The following SLC13A4 variants were observed in gnomAD, a reference collection of about 807,000 sequenced individuals.
The protein encoded by SLC13A4 is Na(+)/sulfate cotransporter SUT-1.
Under a neutral mutation model 72.7 loss-of-function variants are expected in SLC13A4, and 28 were observed. The ratio of observed to expected loss-of-function variants is 0.39; its 90% CI spans 0.29 to 0.53. The LOEUF is 0.53. Among genes scored for constraint, SLC13A4 ranks in the 20% least tolerant of loss-of-function variants. The pLI, the probability that SLC13A4 is intolerant of heterozygous loss-of-function variation, is 0.78. For synonymous variants in SLC13A4, 312 were observed against 325.5 expected (o/e 0.96, Z 0.45); for missense variants, 653 against 788.0 (o/e 0.83, Z 2.05).
At position 135,705,567 on chromosome 7, in the gene SLC13A4, G is replaced by A. The variant is rs1403655114; in HGVS notation, c.593+29C>T. On this transcript the variant is annotated intron_variant, in intron 5 of 15. Coordinates refer to ENST00000682651, the MANE Select transcript of SLC13A4 (RefSeq NM_001318192.2). ...ACCTCCCCTATGGACTCTGAGAGGC[G>A]CTGTCTGGGAGAGGGCAGTCATACT... is the stretch of plus-strand genomic sequence containing the variant. The A allele has an allele frequency of 4.3e-6, 7 of 1,609,390 alleles. No individual in the cohort carries two copies. The Admixed American group carries it at 6.7e-5, about 15-fold the overall frequency.
intron 2 of SLC13A4, among the ~76,000 whole-genome samples, chr7:135,719,551 G>C (rs975687712): frequency 1.3e-5 from 2 of 152,010 alleles, no homozygotes; most frequent in African/African-American, 4.8e-5. Flanking sequence ...TCACATTTAG[G>C]TTGCTTTTTT....
At chr7:135,696,478 A>G (rs2129494254) in intron 8 of SLC13A4, among the ~76,000 whole-genome samples, 1 of 152,136 alleles carries the variant, frequency 6.6e-6, no homozygotes, top group African/African-American at 2.4e-5. Context: ...CCTCCCAAGT[A>G]GCTGGGATTA....
chr7:135,681,431 G>GT lies in SLC13A4; in HGVS notation c.*131dup, dbSNP rs1175154191. ...TCACTTGAGGTGGCGGAATCTTCTG[G>GT]TGGAGGGATGCCCTCCGGCGTGGGT... On this transcript the variant is annotated 3_prime_UTR_variant, in exon 16 of 16. Coordinates refer to ENST00000682651, the MANE Select transcript of SLC13A4 (RefSeq NM_001318192.2). 8.8e-7 allele frequency: 1 copy of GT among 1,133,822 alleles called. No individual in the cohort carries two copies. Among genetic ancestry groups the GT allele is most frequent in the East Asian group, 2.4e-5 (1 of 41,306 alleles). 70.2% of individuals were successfully genotyped at this position (1,133,822 alleles called of 1,614,324 possible). A position where few individuals can be genotyped will look rare whatever the true frequency, so the allele number is the denominator to read the frequency against.
chr7:135,721,046 T>G (rs531624844), intron 2 of SLC13A4, among the ~76,000 whole-genome samples: 1 of 152,262 alleles, frequency 6.6e-6, no homozygotes, highest in South Asian at 2.1e-4. Context: ...ATCGTCTAAA[T>G]AGACATCCAG....
chr7:135,683,486 C>T (rs73160711), intron 15 of SLC13A4: 308,349 of 975,974 alleles, frequency 0.32, 48,541 homozygotes, highest in Middle Eastern at 0.45. Context: ...CTCTCCCCCC[C>T]CGCTCAGCCC....
chr7:135,682,255 G>C (rs1214958932), intron 15 of SLC13A4, among the ~76,000 whole-genome samples: 1 of 152,194 alleles, frequency 6.6e-6, no homozygotes, highest in Non-Finnish European at 1.5e-5. Context: ...CTGGAATGGA[G>C]CCTTTGCTTC....
intron 7 of SLC13A4, 84 bp from the exon 8 acceptor site, chr7:135,699,632 A>C (rs555599285): frequency 7.1e-6 from 9 of 1,275,630 alleles, no homozygotes; most frequent in African/African-American, 4.5e-5. Flanking sequence ...ACCATGGTAC[A>C]GCGGAAAGGG....
intron 8 of SLC13A4, among the ~76,000 whole-genome samples, chr7:135,697,893 G>A (rs903655957): frequency 5.9e-5 from 9 of 152,058 alleles, no homozygotes; most frequent in Non-Finnish European, 1.2e-4. Context: ...CCACATGGTC[G>A]CCTCTTCAGG....
chr7:135,699,288 T>C (rs759705559), intron 8 of SLC13A4, 76 bp downstream of exon 8: 1 of 1,330,858 alleles, frequency 7.5e-7, no homozygotes, highest in African/African-American at 1.5e-5. Context: ...TTTTCTACCA[T>C]ATCTCTAGCA....
At chr7:135,691,692 A>G (rs767956719) in intron 11 of SLC13A4, 47 bp from the exon 12 acceptor site, 10 of 1,347,962 alleles carry the variant, frequency 7.4e-6, no homozygotes, top group Non-Finnish European at 1.1e-5. Context: ...AGGAATTTTC[A>G]GGAGTAACAT....
At chr7:135,705,018 A>C (rs142008414) in intron 5 of SLC13A4, 1 of 153,028 alleles carries the variant, frequency 6.5e-6, no homozygotes, top group Non-Finnish European at 1.5e-5. Flanking sequence ...TCAGCTGTTA[A>C]TAGAGCTTCC....
Position 135,683,396 on chromosome 7 carries a change from C to T in SLC13A4, c.1746+728G>A, listed in dbSNP as rs890471964. 7 of 980,642 alleles carry T rather than the reference C, an allele frequency of 7.1e-6. No homozygotes were observed. The African/African-American group carries it at 8.9e-5, about 12-fold the overall frequency. 60.7% of individuals were successfully genotyped at this position (980,642 alleles called of 1,614,324 possible). On this transcript the variant is annotated intron_variant, in intron 15 of 15. Coordinates refer to ENST00000682651, the MANE Select transcript of SLC13A4 (RefSeq NM_001318192.2). Reference sequence around the variant, plus strand: ...TTCCTTTCCTCTATTTGTTACTTTACAGGGCTGCCCGAGAACAAATTTGGC... The same window carrying T: ...TTCCTTTCCTCTATTTGTTACTTTATAGGGCTGCCCGAGAACAAATTTGGC...
intron 2 of SLC13A4, among the ~76,000 whole-genome samples, chr7:135,709,975 C>T (rs1796261804): frequency 6.6e-6 from 1 of 152,198 alleles, no homozygotes; most frequent in Admixed American, 6.5e-5. Context: ...TATATCTTAA[C>T]ACCTAGTAGA....
intron 8 of SLC13A4, among the ~76,000 whole-genome samples, chr7:135,695,703 CAAAACAACT>C (rs1795887118): frequency 6.6e-6 from 1 of 152,132 alleles, no homozygotes; most frequent in Non-Finnish European, 1.5e-5. Flanking sequence ...AAAAAGGAAT[CAAAACAACT>C]AAAATTAATA....
rs1377644881 is a variant in SLC13A4, at chr7:135,699,390, G to A, written c.873C>T (p.Ser291=). 11 of 1,612,758 alleles carry A rather than the reference G, an allele frequency of 6.8e-6. No homozygotes were observed. The highest frequency in any genetic ancestry group is 1.1e-5 in the South Asian group (1 of 90,634). The change falls in exon 8 of 16, where the codon AGC becomes AGT. Residue 291 remains serine, a synonymous_variant. Coordinates refer to ENST00000682651, the MANE Select transcript of SLC13A4 (RefSeq NM_001318192.2). ...GLTTIIGTST[S]LIFLEHFNNQ... ...TGTTGAAGTGTTCCAGGAAGATGAGGCTGGTGGAGGTGCCGATGATGGTGG... is the reference window on the plus strand; with the variant it reads ...TGTTGAAGTGTTCCAGGAAGATGAGACTGGTGGAGGTGCCGATGATGGTGG...
chr7:135,723,633 T>TG (rs1234237414), intron 1 of SLC13A4, among the ~76,000 whole-genome samples: 4 of 152,218 alleles, frequency 2.6e-5, no homozygotes, highest in African/African-American at 9.6e-5. Flanking sequence ...TTGCTGTTTA[T>TG]GGCCCCTTGA....
At chr7:135,727,012 C>T (rs554657062) in intron 1 of SLC13A4, among the ~76,000 whole-genome samples, 2 of 152,340 alleles carry the variant, frequency 1.3e-5, no homozygotes, top group African/African-American at 4.8e-5. Flanking sequence ...TCCAGGGGCT[C>T]TCAGATAACC....
chr7:135,683,191 C>CT (rs1166641644), intron 15 of SLC13A4: 4 of 185,554 alleles, frequency 2.2e-5, no homozygotes, highest in African/African-American at 1.0e-4. Flanking sequence ...CCAAGGTACT[C>CT]TGGAGGTTGA....
rs142220692 is a variant in SLC13A4, at chr7:135,694,142, G to A, written c.1116C>T (p.Asp372=). The change falls in exon 10 of 16, where the codon GAC becomes GAT. Residue 372 remains aspartate, a synonymous_variant. Transcript: ENST00000682651. The stretch of plus-strand genomic sequence containing the variant: ...GAGGAATGGCTGATTTTTACCTAAT[G>A]TCTCCCAGTTTTTCATATTCTTCTT... ...RIQEEYEKLG[D]ISYPEMVTGF... The A allele has an allele frequency of 7.0e-4, 1,115 of 1,594,406 alleles. No individual in the cohort carries two copies. Among genetic ancestry groups the A allele is most frequent in the Non-Finnish European group, 8.3e-4 (966 of 1,162,300 alleles).
Sources: allele counts gnomAD v4.1 joint callset (sites outside exome capture counted in the v4.1 genomes callset), GRCh38; gene constraint gnomAD v4.1.1; transcripts MANE v1.5; gene names NCBI Gene and HGNC (gene_info 2026-07-23, HGNC 2026-07-21).